Variants in ASB17 observed in about 807,000 individuals in gnomAD.
ASB17 encodes ankyrin repeat and SOCS box containing 17, also known as ankyrin repeat and SOCS box protein 17.
ASB17 carries 26 observed loss-of-function variants against 25.7 expected under a neutral mutation model. The ratio of observed to expected loss-of-function variants is 1.01; its 90% CI spans 0.74 to 1.40. The LOEUF is 1.40. Among genes scored for constraint, ASB17 ranks in the 40% most tolerant of loss-of-function variants. ASB17 has a pLI of 0.00. For missense variants in ASB17, 326 were observed against 338.5 expected, an observed-to-expected ratio of 0.96 and a Z score of 0.29; for synonymous variants, 128 against 121.4, an observed-to-expected ratio of 1.05 and a Z score of -0.36.
rs772432111 is a variant in ASB17, at chr1:75,932,102, C to CA, written c.189dup (p.Asp64Ter). 3.1e-6 allele frequency: 5 copies of CA among 1,614,100 alleles called. No homozygotes were observed. Among genetic ancestry groups the CA allele is most frequent in the Non-Finnish European group, 4.2e-6 (5 of 1,180,010 alleles). ...GCAATGTAATCTGTGAGTAGTGCGT[C>CA]AAAACCATCCAAGTCCACATACCTC... On this transcript the variant is annotated frameshift_variant, in exon 1 of 3. Coordinates refer to ENST00000284142, the MANE Select transcript of ASB17 (RefSeq NM_080868.3). LOFTEE classifies it high-confidence loss of function.
At position 75,919,073 on chromosome 1, in the gene ASB17, A is replaced by G; in HGVS notation, c.767T>C (p.Leu256Pro). 3 of 1,612,074 alleles carry G rather than the reference A, an allele frequency of 1.9e-6. No individual in the cohort carries two copies. Among genetic ancestry groups the G allele is most frequent in the Non-Finnish European group, 2.5e-6 (3 of 1,178,356 alleles). The change falls in exon 3 of 3, where the codon CTA becomes CCA. Residue 256 changes from leucine (L) to proline (P), a missense_variant. Physicochemically the swap from Leu to Pro is moderately conservative, Grantham distance 98. Coordinates refer to ENST00000284142, the MANE Select transcript of ASB17 (RefSeq NM_080868.3). Reference protein sequence around the residue: ...PSTRYKDPCELLHLCRLTIRN... With the variant: ...PSTRYKDPCEPLHLCRLTIRN... ...GATGGTTAGTCTGCAAAGATGTAAT[A>G]GTTCACATGGATCTTTGTATCTTGT...
intron 2 of ASB17, among the ~76,000 whole-genome samples, chr1:75,919,385 T>G (rs867842135): frequency 2.1e-5 from 3 of 145,962 alleles, no homozygotes; most frequent in South Asian, 4.3e-4. Flanking sequence ...AAGGCAACAG[T>G]TTTTTTTTTT....
Position 75,931,017 on chromosome 1 carries a change from C to A in ASB17, c.401+874G>T, listed in dbSNP as rs117628392. On this transcript the variant is annotated intron_variant, in intron 1 of 2. Coordinates refer to ENST00000284142, the MANE Select transcript of ASB17 (RefSeq NM_080868.3). ...AATGAAATCCAGTGGTTCTCCGATA[C>A]CATAGGATGCACAATCAAGAAAAAA... Among the ~76,000 whole-genome samples the A allele has an allele frequency of 8.5e-4, 130 of 152,298 alleles. 4 individuals are homozygous for A. In the East Asian group the frequency reaches 0.021, roughly 25 times the overall value.
At chr1:75,923,463 ATAT>A (rs1174155447) in intron 1 of ASB17, among the ~76,000 whole-genome samples, 1 of 152,134 alleles carries the variant, frequency 6.6e-6, no homozygotes, top group Non-Finnish European at 1.5e-5. Flanking sequence ...GTCAGAGTAA[ATAT>A]TGTTGTGGTG....
chr1:75,929,734 C>T (rs1367769962), intron 1 of ASB17, among the ~76,000 whole-genome samples: 2 of 151,680 alleles, frequency 1.3e-5, no homozygotes, highest in Non-Finnish European at 2.9e-5. Context: ...TTGCAGTTTT[C>T]TATGCAAGAG....
chr1:75,925,344 C>T (rs749250887), intron 1 of ASB17, among the ~76,000 whole-genome samples: 12 of 151,960 alleles, frequency 7.9e-5, no homozygotes, highest in Non-Finnish European at 1.8e-4. Flanking sequence ...TCTGGAGACT[C>T]AGGGGGCAAA....
At chr1:75,920,585 G>A (rs1652999407) in intron 2 of ASB17, among the ~76,000 whole-genome samples, 3 of 152,122 alleles carry the variant, frequency 2.0e-5, no homozygotes, top group Admixed American at 2.0e-4. Flanking sequence ...TGGGAAGTGT[G>A]GAAATGCAGA....
Position 75,932,087 on chromosome 1 carries a change from CTGTGAGT to C in ASB17, c.198_204del (p.Leu67IlefsTer15). The C allele has an allele frequency of 6.2e-7, 1 of 1,614,034 alleles. No homozygotes were observed. ...GATTTTTCCACAAATGCAATGTAATCTGTGAGTAGTGCGTCAAAACCATCCAAGTCCA... is the reference window on the plus strand; with the variant it reads ...GATTTTTCCACAAATGCAATGTAATCAGTGCGTCAAAACCATCCAAGTCCA... On this transcript the variant is annotated frameshift_variant, in exon 1 of 3. Coordinates refer to ENST00000284142, the MANE Select transcript of ASB17 (RefSeq NM_080868.3). LOFTEE classifies it high-confidence loss of function.
chr1:75,919,154 T>G lies in ASB17; in HGVS notation c.686A>C (p.Gln229Pro). ...SVISVKEIKT[Q>P]LSLGRHPIIS... The stretch of plus-strand genomic sequence containing the variant: ...AATTGGATGTCTTCCTAAACTCAGC[T>G]GTGTCTGAAGAAAAGCAAAATATTT... Residue 229 changes from glutamine to proline, a missense_variant, in exon 3 of 3, where the codon CAG becomes CCG. By Grantham distance (76) the Gln-to-Pro change is moderately conservative (BLOSUM62 -1). Coordinates refer to ENST00000284142, the MANE Select transcript of ASB17 (RefSeq NM_080868.3). 1.2e-6 allele frequency: 2 copies of G among 1,608,924 alleles called. No homozygotes were observed. Among genetic ancestry groups the G allele is most frequent in the South Asian group, 2.2e-5 (2 of 90,594 alleles).
Position 75,922,052 on chromosome 1 carries a change from C to G in ASB17, c.681+28G>C, listed in dbSNP as rs541158403. 9.0e-6 allele frequency: 14 copies of G among 1,553,028 alleles called. No individual in the cohort carries two copies. The South Asian group carries it at 9.5e-5, about 11-fold the overall frequency. On this transcript the variant is annotated intron_variant, in intron 2 of 2. Coordinates refer to ENST00000284142, the MANE Select transcript of ASB17 (RefSeq NM_080868.3). The stretch of plus-strand genomic sequence containing the variant: ...ATCTTAAGATTCACTAATATTTGAG[C>G]CCATTTTTTTTAAAGTAGTTTTCTT...
chr1:75,922,320 G>A lies in ASB17; in HGVS notation c.441C>T (p.Gly147=). Residue 147 remains glycine (G), a synonymous_variant, in exon 2 of 3, where the codon GGC becomes GGT. Transcript: ENST00000284142. The part of the protein sequence containing the change: ...TPVYCPSPLS[G]ITPLFYVAQT... ...GAGCTACATAAAAGAGAGGTGTGAT[G>A]CCACTTAATGGGCTTGGACAGTATA... is the stretch of plus-strand genomic sequence containing the variant. 6.2e-7 allele frequency: 1 copy of A among 1,613,256 alleles called. No individual in the cohort carries two copies. The highest frequency in any genetic ancestry group is 1.1e-5 in the South Asian group (1 of 91,058).
At chr1:75,925,976 C>T (rs2100612547) in intron 1 of ASB17, among the ~76,000 whole-genome samples, 1 of 152,316 alleles carries the variant, frequency 6.6e-6, no homozygotes, top group South Asian at 2.1e-4. Context: ...CTTTCACTGG[C>T]TCCTCTTCCT....
At chr1:75,931,552 A>G (rs1653321571) in intron 1 of ASB17, among the ~76,000 whole-genome samples, 1 of 152,198 alleles carries the variant, frequency 6.6e-6, no homozygotes, top group Non-Finnish European at 1.5e-5. Context: ...TTATAAACAT[A>G]TATAAATATA....
Position 75,918,978 on chromosome 1 carries a change from G to T in ASB17, c.862C>A (p.Gln288Lys). The T allele has an allele frequency of 6.2e-7, 1 of 1,612,388 alleles. No homozygotes were observed. Among genetic ancestry groups the T allele is most frequent in the Non-Finnish European group, 8.5e-7 (1 of 1,178,670 alleles). The change falls in exon 3 of 3, where the codon CAA (glutamine) becomes AAA (lysine). Residue 288 changes from glutamine (Q) to lysine (K), a missense_variant. Coordinates refer to ENST00000284142, the MANE Select transcript of ASB17 (RefSeq NM_080868.3). Reference protein sequence around the residue: ...IFSLLIPARLQNYLNLEI With the variant: ...IFSLLIPARLKNYLNLEI ...TAGATTTCTAAATTCAGATAGTTTT[G>T]TAGACGAGCAGGAATTAGAAGTGAA... is the stretch of plus-strand genomic sequence containing the variant.
intron 1 of ASB17, among the ~76,000 whole-genome samples, chr1:75,926,266 A>T (rs1266778753): frequency 6.6e-6 from 1 of 152,220 alleles, no homozygotes; most frequent in Non-Finnish European, 1.5e-5. Flanking sequence ...GCAGGTGATG[A>T]GTGCTTGGAA....
chr1:75,931,927 A>T lies in ASB17; in HGVS notation c.365T>A (p.Val122Asp), dbSNP rs1653331292. 6.2e-7 allele frequency: 1 copy of T among 1,612,236 alleles called. No individual in the cohort carries two copies. ...TGCCAGGTTACAACTTCTGTCTTGA[A>T]CATAGTCTTTTGTCTTCTTGAGAAG... ...ELLLKKTKDYVQDRSCNLALI... is the reference protein window; with the variant it reads ...ELLLKKTKDYDQDRSCNLALI... Residue 122 changes from valine to aspartate, a missense_variant, in exon 1 of 3, where the codon GTT (valine) becomes GAT (aspartate). By Grantham distance (152) the Val-to-Asp change is radical (BLOSUM62 -3). Coordinates refer to ENST00000284142, the MANE Select transcript of ASB17 (RefSeq NM_080868.3).
intron 1 of ASB17, among the ~76,000 whole-genome samples, chr1:75,925,016 G>A (rs932856183): frequency 2.0e-5 from 3 of 151,948 alleles, no homozygotes; most frequent in Admixed American, 2.0e-4. Context: ...AAATGGATAA[G>A]CAAAACAATC....
At chr1:75,921,020 C>T (rs956460712) in intron 2 of ASB17, among the ~76,000 whole-genome samples, 5 of 152,204 alleles carry the variant, frequency 3.3e-5, no homozygotes, top group African/African-American at 9.6e-5. Context: ...GTGATCCGCC[C>T]GCCTCGGCCT....
At chr1:75,928,728 AG>A (rs1213123554) in intron 1 of ASB17, among the ~76,000 whole-genome samples, 1 of 152,228 alleles carries the variant, frequency 6.6e-6, no homozygotes, top group Non-Finnish European at 1.5e-5. Context: ...AGTGCAGTAC[AG>A]GAAAGAAGAA....
Sources: allele counts gnomAD v4.1 joint callset (sites outside exome capture counted in the v4.1 genomes callset), GRCh38; gene constraint gnomAD v4.1.1; transcripts MANE v1.5; gene names NCBI Gene and HGNC (gene_info 2026-07-23, HGNC 2026-07-21).